Variants in MPRIP observed in about 807,000 individuals in gnomAD.
MPRIP encodes the protein myosin phosphatase Rho-interacting protein.
A neutral mutation model predicts 234.9 loss-of-function variants in MPRIP; 59 were observed. The observed-to-expected ratio is 0.25, with a 90% CI of 0.20 to 0.31. The LOEUF (loss-of-function observed/expected upper bound fraction) is 0.31. Ranked by LOEUF, MPRIP falls within the 10% of genes least tolerant of loss-of-function variation. MPRIP has a pLI of 1.00. For missense variants in MPRIP, 2,436 were observed against 3,071.0 expected (o/e 0.79, Z 4.89); for synonymous variants, 1,144 against 1,263.9 (o/e 0.91, Z 2.01).
chr17:17,180,722 C>T lies in MPRIP; in HGVS notation c.7206+634C>T, dbSNP rs572623446. ...GCACTGCTCACACCCCCATGGCAAACGCCTGTGTCATGGTTACTTTATTTC... is the reference window on the plus strand; with the variant it reads ...GCACTGCTCACACCCCCATGGCAAATGCCTGTGTCATGGTTACTTTATTTC... On this transcript the variant is annotated intron_variant, in intron 23 of 23. Coordinates refer to ENST00000651222, the MANE Select transcript of MPRIP (RefSeq NM_001364716.4). 17 of 1,492,460 alleles carry T rather than the reference C, an allele frequency of 1.1e-5. No homozygotes were observed. The Middle Eastern group carries it at 5.1e-4, about 45-fold the overall frequency. The allele number at this position is 1,492,460 out of a possible 1,614,324, so 92.5% of individuals were successfully genotyped here. A position where few individuals can be genotyped will look rare whatever the true frequency, so the allele number is the denominator to read the frequency against.
chr17:17,111,756 T>C (rs1036470797), intron 3 of MPRIP, among the ~76,000 whole-genome samples: 24 of 152,188 alleles, frequency 1.6e-4, no homozygotes, highest in Non-Finnish European at 2.8e-4. Flanking sequence ...GGCAGTCTCC[T>C]ACCTTCCTGA....
At chr17:17,118,670 C>A (rs1326304945) in intron 3 of MPRIP, among the ~76,000 whole-genome samples, 1 of 152,136 alleles carries the variant, frequency 6.6e-6, no homozygotes, top group Non-Finnish European at 1.5e-5. Context: ...CTGCTAGGCC[C>A]ATTGTCAGTC....
At chr17:17,175,807 G>A (rs2046242182) in intron 20 of MPRIP, among the ~76,000 whole-genome samples, 1 of 152,246 alleles carries the variant, frequency 6.6e-6, no homozygotes, top group Non-Finnish European at 1.5e-5. Context: ...CTTTTAGGAA[G>A]GCACTTAGAT....
intron 16 of MPRIP, chr17:17,168,945 T>C (rs1274423287): frequency 2.2e-6 from 1 of 456,806 alleles, no homozygotes; most frequent in Non-Finnish European, 4.4e-6. Context: ...CACCTGTTTT[T>C]CCCAGCCCGT....
chr17:17,044,908 G>T (rs769716770), intron 1 of MPRIP, among the ~76,000 whole-genome samples: 2 of 152,180 alleles, frequency 1.3e-5, no homozygotes, highest in East Asian at 1.9e-4. Context: ...GGTTATTTGT[G>T]CTGGGAGAGG....
At chr17:17,134,003 C>G (rs1033601588) in intron 5 of MPRIP, among the ~76,000 whole-genome samples, 2 of 152,172 alleles carry the variant, frequency 1.3e-5, no homozygotes, top group African/African-American at 4.8e-5. Context: ...GAAGGAGGCC[C>G]GCTCCTCCAT....
At chr17:17,148,425 C>T (rs1042335698) in intron 11 of MPRIP, among the ~76,000 whole-genome samples, 2 of 152,182 alleles carry the variant, frequency 1.3e-5, no homozygotes, top group East Asian at 1.9e-4. Context: ...GAGGTAAAGC[C>T]ACTAGCACTT....
Position 17,192,427 on chromosome 17 carries a change from T to TGGGGGGGGG in MPRIP, c.*7540_*7548dup, listed in dbSNP as rs1555603013. 3 of 4,814 alleles carry TGGGGGGGGG rather than the reference T, an allele frequency of 6.2e-4. No individual in the cohort carries two copies. The highest frequency in any genetic ancestry group is 1.3e-3 in the African/African-American group (3 of 2,358). The allele number at this position is 4,814 out of a possible 1,614,324, so 0.3% of individuals were successfully genotyped here. On this transcript the variant is annotated 3_prime_UTR_variant, in exon 24 of 24. Transcript: ENST00000651222. ...ACCAGCTGAGCTGCTGCTTTTTTTT[T>TGGGGGGGGG]GGGGGGGGGGGGGGGAGGGGCGTCT...
intron 5 of MPRIP, among the ~76,000 whole-genome samples, chr17:17,133,997 G>A (rs1422430624): frequency 4.6e-5 from 7 of 152,182 alleles, no homozygotes; most frequent in Non-Finnish European, 1.0e-4. Context: ...GGAGCTGAAG[G>A]AGGCCCGCTC....
Position 17,108,827 on chromosome 17 carries a change from G to A in MPRIP, c.268-17875G>A, listed in dbSNP as rs115128695. ...GGCAGGCCTTTGGGCAGAAAAGGCA[G>A]TTACACCATGTGGCATGGCAGCGCC... On this transcript the variant is annotated intron_variant, in intron 3 of 23. Transcript: ENST00000651222. Among the ~76,000 whole-genome samples, 953 of 152,336 alleles carry A rather than the reference G, an allele frequency of 6.3e-3. 9 individuals carry two copies. Among genetic ancestry groups the A allele is most frequent in the African/African-American group, 0.022 (908 of 41,568 alleles).
At chr17:17,073,476 G>A (rs2089250390) in intron 1 of MPRIP, among the ~76,000 whole-genome samples, 1 of 152,216 alleles carries the variant, frequency 6.6e-6, no homozygotes. Context: ...TCAGGTAAAT[G>A]TAGCTGATTA....
intron 1 of MPRIP, among the ~76,000 whole-genome samples, chr17:17,054,254 T>C (rs778670168): frequency 6.6e-6 from 1 of 152,084 alleles, no homozygotes; most frequent in South Asian, 2.1e-4. Flanking sequence ...AAAGTGAAAA[T>C]TGTAAGGCAT....
intron 1 of MPRIP, among the ~76,000 whole-genome samples, chr17:17,060,922 A>G (rs981959858): frequency 1.3e-5 from 2 of 152,234 alleles, no homozygotes; most frequent in African/African-American, 4.8e-5. Context: ...AACTTTTAGT[A>G]GTTCTAGCAC....
intron 11 of MPRIP, 68 bp downstream of exon 11, chr17:17,147,455 T>C: frequency 2.1e-6 from 3 of 1,422,282 alleles, no homozygotes; most frequent in Non-Finnish European, 2.0e-6. Context: ...CTGGGGCTAG[T>C]AGATCTGCTT....
chr17:17,069,494 T>C (rs2089141190), intron 1 of MPRIP, among the ~76,000 whole-genome samples: 1 of 151,956 alleles, frequency 6.6e-6, no homozygotes, highest in Non-Finnish European at 1.5e-5. Flanking sequence ...TTTTTTTTTT[T>C]TCCTGCTTCC....
At chr17:17,097,612 C>T (rs2089875240) in intron 3 of MPRIP, among the ~76,000 whole-genome samples, 1 of 152,284 alleles carries the variant, frequency 6.6e-6, no homozygotes, top group African/African-American at 2.4e-5. Flanking sequence ...TCTGTACTTT[C>T]GGACATCCAA....
At chr17:17,091,334 A>G (rs2089711829) in intron 3 of MPRIP, among the ~76,000 whole-genome samples, 1 of 152,146 alleles carries the variant, frequency 6.6e-6, no homozygotes, top group African/African-American at 2.4e-5. Flanking sequence ...CCTTTGACAG[A>G]TGAGGAAACT....
chr17:17,073,848 T>C (rs73979061), intron 1 of MPRIP, among the ~76,000 whole-genome samples: 12,604 of 152,172 alleles, frequency 0.083, 738 homozygotes, highest in East Asian at 0.17. Flanking sequence ...CACCACATAC[T>C]CCTTGGCCCT....
At position 17,172,856 on chromosome 17, in the gene MPRIP, C is replaced by T. The variant is rs1295817907; in HGVS notation, c.6590+41C>T. On this transcript the variant is annotated intron_variant, in intron 18 of 23. Transcript: ENST00000651222. ...TGCCCATCTGCCCTTGGGAGGGCCCCTCTGGGGTGCTGACCAGGCCACAGC... is the reference window on the plus strand; with the variant it reads ...TGCCCATCTGCCCTTGGGAGGGCCCTTCTGGGGTGCTGACCAGGCCACAGC... 2.2e-5 allele frequency: 34 copies of T among 1,533,496 alleles called. No homozygotes were observed. The Admixed American group carries it at 5.5e-4, about 25-fold the overall frequency. 95.0% of individuals were successfully genotyped at this position (1,533,496 alleles called of 1,614,324 possible).
Sources: gnomAD v4.1 joint callset for allele counts (sites outside exome capture counted in the v4.1 genomes callset) on GRCh38, gnomAD v4.1.1 for gene constraint, MANE v1.5 for transcripts, NCBI Gene and HGNC (gene_info 2026-07-23, HGNC 2026-07-21) for gene names.